The following DMD variants were observed in gnomAD, a reference collection of about 807,000 sequenced individuals.
DMD encodes the protein dystrophin, also known as mutant dystrophin.
A neutral mutation model predicts 330.1 loss-of-function variants in DMD; 63 were observed. The observed-to-expected ratio is 0.19, with a 90% confidence interval of 0.16 to 0.24. DMD has a LOEUF of 0.24. Among genes scored for constraint, DMD ranks in the 10% least tolerant of loss-of-function variants. The pLI is 1.00. For synonymous variants in DMD, 1,223 were observed against 959.8 expected (o/e 1.27, Z -5.07); for missense variants, 3,344 against 2,684.1 (o/e 1.25, Z -5.43).
At chrX:32,558,126 T>C (rs1263172096) in intron 16 of DMD, among the ~76,000 whole-genome samples, 1 of 111,389 alleles carries the variant, frequency 9.0e-6, no homozygotes, top group Non-Finnish European at 1.9e-5. Context: ...TGTAAAACTG[T>C]CTGTCCAATT....
intron 54 of DMD, among the ~76,000 whole-genome samples, chrX:31,645,222 T>C (rs760406273): frequency 8.9e-6 from 1 of 111,928 alleles, no homozygotes; most frequent in African/African-American, 3.2e-5. Flanking sequence ...ATAGCTTCTT[T>C]TACTGAAGAT....
intron 2 of DMD, among the ~76,000 whole-genome samples, chrX:32,971,992 G>A (rs1252669604): frequency 5.4e-5 from 6 of 111,175 alleles, no homozygotes; most frequent in African/African-American, 1.6e-4. Context: ...AGATGTAGAC[G>A]TTATCTATAG....
chrX:31,897,934 C>T (rs1603547985), intron 47 of DMD, among the ~76,000 whole-genome samples: 2 of 110,684 alleles, frequency 1.8e-5, no homozygotes, highest in East Asian at 5.7e-4. Flanking sequence ...TTAATTAGAT[C>T]CCATTTGTCA....
intron 41 of DMD, among the ~76,000 whole-genome samples, chrX:32,323,992 A>G (rs1172477475): frequency 2.7e-5 from 3 of 110,838 alleles, no homozygotes; most frequent in Non-Finnish European, 5.7e-5. Context: ...GGCTGGGAAG[A>G]GTGTAGGTGG....
At chrX:31,675,520 G>A (rs1233058529) in intron 53 of DMD, among the ~76,000 whole-genome samples, 1 of 110,776 alleles carries the variant, frequency 9.0e-6, no homozygotes, top group Non-Finnish European at 1.9e-5. Context: ...GCAGCACCAC[G>A]CCAGGCTAGT....
chrX:31,158,840 C>T (rs149691944), intron 74 of DMD, among the ~76,000 whole-genome samples: 1,117 of 111,595 alleles, frequency 0.01, 7 homozygotes, highest in African/African-American at 0.025. Context: ...CAGAATTATC[C>T]GTGTGGACAT....
At chrX:33,190,125 T>A (rs2050454780) in intron 1 of DMD, among the ~76,000 whole-genome samples, 1 of 111,364 alleles carries the variant, frequency 9.0e-6, no homozygotes, top group Non-Finnish European at 1.9e-5. Flanking sequence ...GTAGCCATGA[T>A]AAACAAATGG....
intron 41 of DMD, among the ~76,000 whole-genome samples, chrX:32,312,464 T>C (rs1403711752): frequency 9.0e-6 from 1 of 111,279 alleles, no homozygotes; most frequent in Non-Finnish European, 1.9e-5. Context: ...AGCAAGAAAC[T>C]TAGCTGTATG....
intron 61 of DMD, among the ~76,000 whole-genome samples, chrX:31,345,310 T>A (rs1470638254): frequency 9.0e-6 from 1 of 111,315 alleles, no homozygotes; most frequent in Non-Finnish European, 1.9e-5. Context: ...AATGCTCCCC[T>A]TGGCCCCTCA....
chrX:31,140,840 CCT>C (rs957036307), intron 76 of DMD, among the ~76,000 whole-genome samples: 4 of 111,848 alleles, frequency 3.6e-5, no homozygotes, highest in African/African-American at 1.3e-4. Context: ...TACATCCTGT[CCT>C]TAAGGAGCTT....
At chrX:31,459,448 C>T (rs1283609445) in intron 59 of DMD, among the ~76,000 whole-genome samples, 4 of 111,881 alleles carry the variant, frequency 3.6e-5, no homozygotes, top group African/African-American at 1.3e-4. Flanking sequence ...CATATATTGC[C>T]AATAAATTGA....
intron 44 of DMD, among the ~76,000 whole-genome samples, chrX:32,214,224 TAAAAAAAAA>T (rs200083093): frequency 3.0e-4 from 27 of 88,974 alleles, no homozygotes; most frequent in Non-Finnish European, 3.0e-4. Context: ...CTGAAACACT[TAAAAAAAAA>T]AAAAAAAAAA....
intron 60 of DMD, among the ~76,000 whole-genome samples, chrX:31,439,513 C>A (rs1385101332): frequency 2.8e-5 from 3 of 107,527 alleles, no homozygotes; most frequent in Non-Finnish European, 5.9e-5. Context: ...CTTTAAAAAA[C>A]ATACATAATT....
At chrX:32,068,373 CATTTTTTTTTTT>C (rs1275031294) in intron 44 of DMD, among the ~76,000 whole-genome samples, 25 of 60,510 alleles carry the variant, frequency 4.1e-4, no homozygotes, top group African/African-American at 1.8e-3. Context: ...CCTTGCTTGT[CATTTTTTTTTTT>C]TTTTTTTTTT....
At chrX:31,595,333 A>G (rs1353267012) in intron 55 of DMD, among the ~76,000 whole-genome samples, 1 of 111,116 alleles carries the variant, frequency 9.0e-6, no homozygotes, top group East Asian at 2.8e-4. Context: ...TGGATTAAGC[A>G]CCATTCTTTT....
At chrX:32,237,046 TGTACAG>T (rs2097190572) in intron 43 of DMD, among the ~76,000 whole-genome samples, 1 of 111,779 alleles carries the variant, frequency 8.9e-6, no homozygotes, top group African/African-American at 3.2e-5. Flanking sequence ...GTCTTTGCAT[TGTACAG>T]GTTTTTAATT....
intron 2 of DMD, among the ~76,000 whole-genome samples, chrX:32,867,356 TA>T (rs756681848): frequency 1.6e-3 from 180 of 111,961 alleles, no homozygotes; most frequent in African/African-American, 5.5e-3. Flanking sequence ...CTGTCACCTT[TA>T]GTTAGTGTTT....
At chrX:32,900,478 G>A (rs765634913) in intron 2 of DMD, among the ~76,000 whole-genome samples, 1 of 111,369 alleles carries the variant, frequency 9.0e-6, no homozygotes, top group South Asian at 3.8e-4. Context: ...TGAGTAGCTA[G>A]GACTATAGGT....
intron 13 of DMD, among the ~76,000 whole-genome samples, chrX:32,576,028 C>A (rs1319454904): frequency 9.0e-6 from 1 of 111,665 alleles, no homozygotes. Flanking sequence ...TAAAGATCCC[C>A]TATTCCAGGT....
Sources: gnomAD v4.1 joint callset for allele counts (sites outside exome capture counted in the v4.1 genomes callset) on GRCh38, gnomAD v4.1.1 for gene constraint, MANE v1.5 for transcripts, NCBI Gene and HGNC (gene_info 2026-07-23, HGNC 2026-07-21) for gene names.